The following SPATA16 variants were observed in gnomAD, a reference collection of about 807,000 sequenced individuals.
SPATA16 encodes spermatogenesis-associated protein 16.
A neutral mutation model predicts 63.3 loss-of-function variants in SPATA16; 36 were observed. That is an observed-to-expected ratio of 0.57 (90% CI 0.44 to 0.75). SPATA16 has a LOEUF of 0.75. Ranked by LOEUF, SPATA16 falls within the 30% of genes least tolerant of loss-of-function variation. The pLI is 0.00. For synonymous variants in SPATA16, 203 were observed against 216.7 expected, an observed-to-expected ratio of 0.94 and a Z score of 0.56; for missense variants, 646 against 679.3, an observed-to-expected ratio of 0.95 and a Z score of 0.54.
intron 8 of SPATA16, among the ~76,000 whole-genome samples, chr3:172,923,990 A>G (rs1343514759): frequency 6.6e-6 from 1 of 152,244 alleles, no homozygotes; most frequent in Non-Finnish European, 1.5e-5. Flanking sequence ...CACTATCCTA[A>G]TAAGTGCTTG....
At chr3:173,104,674 G>C (rs1031272963) in intron 2 of SPATA16, among the ~76,000 whole-genome samples, 1 of 152,136 alleles carries the variant, frequency 6.6e-6, no homozygotes, top group African/African-American at 2.4e-5. Flanking sequence ...CCCAACTCTA[G>C]CACAGAGGAT....
In SPATA16 at chr3:173,004,196, T is replaced by G. The variant is rs139276557; in HGVS notation, c.848+15290A>C. ...TTTAAAAAGAGTAAGAATTTCAGAG[T>G]TTGCTGTTAGAATTTCCAGCCTGAT... On this transcript the variant is annotated intron_variant, in intron 4 of 10. Coordinates refer to ENST00000351008, the MANE Select transcript of SPATA16 (RefSeq NM_031955.6). Among the ~76,000 whole-genome samples the G allele has an allele frequency of 4.6e-5, 7 of 152,282 alleles. No homozygotes were observed. In the East Asian group the frequency reaches 1.3e-3, roughly 29 times the overall value.
At chr3:172,926,197 A>T (rs1307302396) in intron 6 of SPATA16, among the ~76,000 whole-genome samples, 1 of 152,210 alleles carries the variant, frequency 6.6e-6, no homozygotes, top group African/African-American at 2.4e-5. Flanking sequence ...AAAAGGAAAA[A>T]AATTACAAGT....
intron 8 of SPATA16, among the ~76,000 whole-genome samples, chr3:172,923,924 A>C (rs1732669771): frequency 6.6e-6 from 1 of 152,242 alleles, no homozygotes; most frequent in Non-Finnish European, 1.5e-5. Context: ...TGAGAAATTC[A>C]CTGCAATGTT....
intron 5 of SPATA16, among the ~76,000 whole-genome samples, chr3:172,972,120 A>G (rs1734059657): frequency 1.3e-5 from 2 of 152,184 alleles, no homozygotes; most frequent in South Asian, 2.1e-4. Context: ...TGGAAACCAT[A>G]TAGGCCATTG....
intron 4 of SPATA16, among the ~76,000 whole-genome samples, chr3:172,996,350 T>C (rs907613088): frequency 6.6e-6 from 1 of 152,148 alleles, no homozygotes; most frequent in Non-Finnish European, 1.5e-5. Context: ...CAGTTATTTT[T>C]TGTGATTGAT....
intron 3 of SPATA16, among the ~76,000 whole-genome samples, chr3:173,029,571 G>A (rs1203939226): frequency 6.6e-6 from 1 of 151,922 alleles, no homozygotes; most frequent in Non-Finnish European, 1.5e-5. Flanking sequence ...TGAATATTTT[G>A]TAATGGGCTG....
intron 4 of SPATA16, among the ~76,000 whole-genome samples, chr3:173,013,899 C>T (rs1735124529): frequency 6.6e-6 from 1 of 152,212 alleles, no homozygotes; most frequent in Non-Finnish European, 1.5e-5. Flanking sequence ...CTCCAGAGCA[C>T]ATTAGATAGT....
At chr3:172,978,142 T>C (rs1577115677) in intron 4 of SPATA16, among the ~76,000 whole-genome samples, 1 of 145,358 alleles carries the variant, frequency 6.9e-6, no homozygotes, top group African/African-American at 2.6e-5. Flanking sequence ...TCTCTCCCTC[T>C]CTCTCTCTCT....
chr3:173,084,035 A>T (rs1421347880), intron 2 of SPATA16, among the ~76,000 whole-genome samples: 2 of 152,170 alleles, frequency 1.3e-5, no homozygotes, highest in African/African-American at 4.8e-5. Context: ...TTGGGTGTCT[A>T]CCCAGTAATG....
At chr3:172,985,056 G>A (rs1418826164) in intron 4 of SPATA16, among the ~76,000 whole-genome samples, 1 of 152,144 alleles carries the variant, frequency 6.6e-6, no homozygotes, top group Non-Finnish European at 1.5e-5. Flanking sequence ...GACTGTTGGT[G>A]TCCTCTCTAA....
At chr3:173,042,590 A>T (rs1560104974) in intron 3 of SPATA16, among the ~76,000 whole-genome samples, 1 of 152,158 alleles carries the variant, frequency 6.6e-6, no homozygotes, top group Non-Finnish European at 1.5e-5. Flanking sequence ...TGTATTTGTT[A>T]TTGGTGGTGG....
chr3:173,058,392 A>G (rs192510935), intron 2 of SPATA16, among the ~76,000 whole-genome samples: 132 of 152,232 alleles, frequency 8.7e-4, no homozygotes, highest in Non-Finnish European at 1.7e-3. Context: ...AAATTGTTAT[A>G]TTCTATCTGT....
intron 4 of SPATA16, among the ~76,000 whole-genome samples, chr3:172,978,130 TCTCTCTCC>T: frequency 6.7e-6 from 1 of 149,240 alleles, no homozygotes; most frequent in African/African-American, 2.5e-5. Context: ...GCTCTCTCTC[TCTCTCTCC>T]CTCTCTCTCT....
Position 172,976,960 on chromosome 3 carries a change from A to C in SPATA16, c.933+8T>G. The C allele has an allele frequency of 5.6e-6, 9 of 1,611,350 alleles. No homozygotes were observed. Among genetic ancestry groups the C allele is most frequent in the Non-Finnish European group, 7.6e-6 (9 of 1,178,638 alleles). The stretch of plus-strand genomic sequence containing the variant: ...TTTCTCCTCCCTAGTTGGGACATCA[A>C]TTTTTACCTGCCAATACAGTTTGAT... On this transcript the variant is annotated splice_region_variant and intron_variant, in intron 5 of 10. Transcript: ENST00000351008.
At chr3:172,890,969 A>C (rs971082306) in intron 10 of SPATA16, among the ~76,000 whole-genome samples, 12 of 149,048 alleles carry the variant, frequency 8.1e-5, no homozygotes, top group Admixed American at 6.7e-4. Context: ...ATACATATAT[A>C]TATATAATAT....
At chr3:172,992,498 A>G (rs4894604) in intron 4 of SPATA16, among the ~76,000 whole-genome samples, 146,039 of 152,104 alleles carry the variant, frequency 0.96, 70,161 homozygotes, top group East Asian at 1. Flanking sequence ...CACATCCCTT[A>G]AAGGAAGGTA....
At chr3:173,105,801 C>A (rs1737607011) in intron 2 of SPATA16, among the ~76,000 whole-genome samples, 1 of 25,580 alleles carries the variant, frequency 3.9e-5, no homozygotes, top group Admixed American at 5.4e-4. Context: ...CCCTCTCTCC[C>A]TTCCTCCCTT....
intron 3 of SPATA16, among the ~76,000 whole-genome samples, chr3:173,039,466 A>G (rs756281278): frequency 2.6e-5 from 4 of 152,090 alleles, no homozygotes; most frequent in Non-Finnish European, 4.4e-5. Context: ...CAAATCAATA[A>G]TAACTAGTAG....
Sources: gnomAD v4.1 joint callset for allele counts (sites outside exome capture counted in the v4.1 genomes callset) on GRCh38, gnomAD v4.1.1 for gene constraint, MANE v1.5 for transcripts, NCBI Gene and HGNC (gene_info 2026-07-23, HGNC 2026-07-21) for gene names.